Variants in SMG6 observed in about 807,000 individuals in gnomAD.
SMG6 encodes the protein SMG6 nonsense mediated mRNA decay factor.
SMG6 carries 66 observed loss-of-function variants against 142.2 expected under a neutral mutation model. The ratio of observed to expected loss-of-function variants is 0.46; its 90% CI spans 0.38 to 0.57. The LOEUF is 0.57. Ranked by LOEUF, SMG6 falls within the 20% of genes least tolerant of loss-of-function variation. The pLI is 0.00. For synonymous variants in SMG6, 779 were observed against 702.4 expected (o/e 1.11, Z -1.72); for missense variants, 1,793 against 1,832.0 (o/e 0.98, Z 0.39).
In SMG6 at chr17:2,300,067, G is replaced by T; in HGVS notation, c.686C>A (p.Thr229Asn). 2 of 1,614,140 alleles carry T rather than the reference G, an allele frequency of 1.2e-6. No individual in the cohort carries two copies. Among genetic ancestry groups the T allele is most frequent in the Non-Finnish European group, 1.7e-6 (2 of 1,180,010 alleles). ...CCTCCCGCGGGCTGGGTCGTCGTGGGTTTCCCTCACCCCCTCCCCTTTTCC... is the reference window on the plus strand; with the variant it reads ...CCTCCCGCGGGCTGGGTCGTCGTGGTTTTCCCTCACCCCCTCCCCTTTTCC... ...RMGKGEGVRETHDDPARGRPG... is the reference protein window; with the variant it reads ...RMGKGEGVRENHDDPARGRPG... Residue 229 changes from threonine to asparagine, a missense_variant, in exon 2 of 19, where the codon ACC becomes AAC. Coordinates refer to ENST00000263073, the MANE Select transcript of SMG6 (RefSeq NM_017575.5).
At chr17:2,288,034 C>A (rs1448101947) in intron 6 of SMG6, among the ~76,000 whole-genome samples, 1 of 152,206 alleles carries the variant, frequency 6.6e-6, no homozygotes, top group Non-Finnish European at 1.5e-5. Flanking sequence ...GTAAGACAGG[C>A]AGGGCATGGT....
chr17:2,281,699 C>A (rs1318584936), intron 8 of SMG6, among the ~76,000 whole-genome samples: 1 of 152,208 alleles, frequency 6.6e-6, no homozygotes, highest in East Asian at 1.9e-4. Flanking sequence ...TAGCTTCCTA[C>A]TATTTTCAGG....
intron 8 of SMG6, among the ~76,000 whole-genome samples, chr17:2,257,117 G>A (rs1331315629): frequency 7.0e-6 from 1 of 142,726 alleles, no homozygotes; most frequent in African/African-American, 2.7e-5. Flanking sequence ...ACAGAGTCTC[G>A]CTCTGTTGCC....
chr17:2,119,825 C>T (rs947584695), intron 13 of SMG6, among the ~76,000 whole-genome samples: 1 of 152,166 alleles, frequency 6.6e-6, no homozygotes, highest in African/African-American at 2.4e-5. Flanking sequence ...CCATGCCTGG[C>T]TAATTTTTTT....
intron 8 of SMG6, among the ~76,000 whole-genome samples, chr17:2,262,420 C>T (rs170040): frequency 0.78 from 118,037 of 152,144 alleles, 45,901 homozygotes; most frequent in East Asian, 0.8. Flanking sequence ...ACTGAGTGAT[C>T]AGACAGCACC....
At chr17:2,233,255 C>T (rs1049861182) in intron 10 of SMG6, 1 of 152,286 alleles carries the variant, frequency 6.6e-6, no homozygotes, top group African/African-American at 2.4e-5. Flanking sequence ...ATCACTTCTG[C>T]TTCCGGCTGG....
intron 4 of SMG6, among the ~76,000 whole-genome samples, chr17:2,293,439 T>C (rs1243749863): frequency 6.8e-6 from 1 of 146,704 alleles, no homozygotes; most frequent in Non-Finnish European, 1.5e-5. Flanking sequence ...CAAACAAATA[T>C]GAAAACAATT....
chr17:2,070,876 T>C (rs2068081311), intron 15 of SMG6, among the ~76,000 whole-genome samples: 1 of 152,152 alleles, frequency 6.6e-6, no homozygotes, highest in Non-Finnish European at 1.5e-5. Context: ...CCAACAAACC[T>C]GGCTTGGGCA....
chr17:2,080,440 A>G (rs2068384405), intron 15 of SMG6, among the ~76,000 whole-genome samples: 2 of 152,114 alleles, frequency 1.3e-5, no homozygotes, highest in South Asian at 4.1e-4. Flanking sequence ...AAAACAAACA[A>G]ACAAAAAAAA....
At position 2,080,739 on chromosome 17, in the gene SMG6, G is replaced by A. The variant is rs538999761; in HGVS notation, c.3681+1071C>T. On this transcript the variant is annotated intron_variant, in intron 15 of 18. Coordinates refer to ENST00000263073, the MANE Select transcript of SMG6 (RefSeq NM_017575.5). ...CAACCTCCGCCTCCCGGGTTCAAGC[G>A]ATTCTCTTGCCTCAGCCTCCTGAGT... Among the ~76,000 whole-genome samples, 9 of 151,910 alleles carry A rather than the reference G, an allele frequency of 5.9e-5. No homozygotes were observed. The South Asian group carries it at 1.7e-3, about 28-fold the overall frequency.
rs1309950009 is a variant in SMG6 at position 2,073,708 on chromosome 17, C to CAA, written c.3682-4779_3682-4778dup. 4.3e-3 allele frequency among the ~76,000 whole-genome samples: 300 copies of CAA among 69,672 alleles called. 4 individuals are homozygous for CAA. Among genetic ancestry groups the CAA allele is most frequent in the Admixed American group, 7.3e-3 (42 of 5,772 alleles). 45.7% of individuals were successfully genotyped at this position (69,672 alleles called of 152,430 possible). ...TGGGCAACAGAGCGAGACTCCGTCT[C>CAA]AAAAAAAAAAAAAAAAAAAAAGAGA... On this transcript the variant is annotated intron_variant, in intron 15 of 18. Transcript: ENST00000263073.
intron 9 of SMG6, among the ~76,000 whole-genome samples, chr17:2,244,169 G>T (rs2073876862): frequency 6.6e-6 from 1 of 152,210 alleles, no homozygotes; most frequent in Non-Finnish European, 1.5e-5. Flanking sequence ...TATCTAATGA[G>T]ATCAGCAATA....
At chr17:2,172,630 GGGGA>G in intron 13 of SMG6, 24 bp downstream of exon 13, 1 of 1,609,586 alleles carries the variant, frequency 6.2e-7, no homozygotes. Flanking sequence ...AGGGGCGAAT[GGGGA>G]GGGATGTTTG....
At chr17:2,137,131 C>T (rs754841186) in intron 13 of SMG6, among the ~76,000 whole-genome samples, 1 of 152,162 alleles carries the variant, frequency 6.6e-6, no homozygotes, top group Non-Finnish European at 1.5e-5. Context: ...CCCGCCGCTG[C>T]ACTCCAGCCT....
intron 15 of SMG6, among the ~76,000 whole-genome samples, chr17:2,072,500 G>C (rs1293675054): frequency 6.6e-6 from 1 of 152,192 alleles, no homozygotes; most frequent in Non-Finnish European, 1.5e-5. Flanking sequence ...CTGGGAAAGA[G>C]ATCATATACA....
At chr17:2,134,428 A>AT (rs2070226397) in intron 13 of SMG6, among the ~76,000 whole-genome samples, 1 of 148,302 alleles carries the variant, frequency 6.7e-6, no homozygotes, top group Non-Finnish European at 1.5e-5. Flanking sequence ...TCAAAAAAAA[A>AT]AAAAAAAAAA....
chr17:2,111,483 C>T (rs2069317636), intron 13 of SMG6, among the ~76,000 whole-genome samples: 1 of 152,224 alleles, frequency 6.6e-6, no homozygotes, highest in East Asian at 1.9e-4. Context: ...GTGATCATAG[C>T]TCACTGCAGC....
chr17:2,202,483 T>C (rs2072559648), intron 10 of SMG6, among the ~76,000 whole-genome samples: 1 of 152,050 alleles, frequency 6.6e-6, no homozygotes, highest in African/African-American at 2.4e-5. Context: ...GCCCGGAAGT[T>C]CAAGGCTACA....
At position 2,065,493 on chromosome 17, in the gene SMG6, C is replaced by T. The variant is rs746496262; in HGVS notation, c.4022G>A (p.Arg1341His). Residue 1341 changes from arginine to histidine, a missense_variant, in exon 17 of 19, where the codon CGC becomes CAC. Physicochemically the swap from Arg to His is conservative, Grantham distance 29. Transcript: ENST00000263073. Reference sequence around the variant, plus strand: ...CAGCTGGCCAGTGATGTCCTCACTGCGGAAGGCGATGGATTCGAGTTCATT... The same window carrying T: ...CAGCTGGCCAGTGATGTCCTCACTGTGGAAGGCGATGGATTCGAGTTCATT... Reference protein sequence around the residue: ...RGNELESIAFRSEDITGQLGN... With the variant: ...RGNELESIAFHSEDITGQLGN... The T allele has an allele frequency of 4.3e-6, 7 of 1,613,216 alleles. No individual in the cohort carries two copies. Among genetic ancestry groups the T allele is most frequent in the Admixed American group, 3.3e-5 (2 of 60,026 alleles).
Sources: allele counts gnomAD v4.1 joint callset (sites outside exome capture counted in the v4.1 genomes callset), GRCh38; gene constraint gnomAD v4.1.1; transcripts MANE v1.5; gene names NCBI Gene and HGNC (gene_info 2026-07-23, HGNC 2026-07-21).